The following BABAM2 variants were observed in gnomAD, a reference collection of about 807,000 sequenced individuals.
BABAM2 encodes BRISC and BRCA1 A complex member 2, also known as BRISC and BRCA1-A complex member 2.
BABAM2 carries 31 observed loss-of-function variants against 54.7 expected under a neutral mutation model. The ratio of observed to expected loss-of-function variants is 0.57; its 90% confidence interval spans 0.43 to 0.77. The LOEUF is 0.77. Among genes scored for constraint, BABAM2 ranks in the 30% least tolerant of loss-of-function variants. The pLI is 0.00. For synonymous variants in BABAM2, 167 were observed against 162.9 expected, an observed-to-expected ratio of 1.03 and a Z score of -0.19; for missense variants, 364 against 455.8, an observed-to-expected ratio of 0.80 and a Z score of 1.83.
chr2:28,226,797 C>T (rs1022986588), intron 7 of BABAM2, among the ~76,000 whole-genome samples: 3 of 151,756 alleles, frequency 2.0e-5, no homozygotes, highest in Admixed American at 1.3e-4. Flanking sequence ...CCAGCTTATC[C>T]AGGGAGGTTT....
chr2:28,292,135 C>T (rs953641542), intron 10 of BABAM2, among the ~76,000 whole-genome samples: 12 of 152,104 alleles, frequency 7.9e-5, no homozygotes, highest in African/African-American at 1.4e-4. Context: ...TCTTCCCTGC[C>T]GACCCAAGAT....
intron 7 of BABAM2, among the ~76,000 whole-genome samples, chr2:28,222,112 A>C (rs920360875): frequency 2.0e-5 from 3 of 152,252 alleles, no homozygotes; most frequent in Middle Eastern, 3.4e-3. Context: ...ACATATTCTC[A>C]TGCTCAGCAC....
At chr2:27,930,545 C>T (rs1474480561) in intron 3 of BABAM2, among the ~76,000 whole-genome samples, 1 of 152,162 alleles carries the variant, frequency 6.6e-6, no homozygotes, top group Non-Finnish European at 1.5e-5. Context: ...AGAAGGTGGA[C>T]GTCTGAAGTT....
intron 2 of BABAM2, among the ~76,000 whole-genome samples, chr2:27,912,764 T>C (rs1426407480): frequency 6.6e-6 from 1 of 152,140 alleles, no homozygotes; most frequent in Non-Finnish European, 1.5e-5. Context: ...AATATCTTCT[T>C]GCAAGGAATG....
chr2:28,193,360 G>T (rs1677145848), intron 7 of BABAM2, among the ~76,000 whole-genome samples: 1 of 152,150 alleles, frequency 6.6e-6, no homozygotes, highest in South Asian at 2.1e-4. Context: ...TGCTAAGTGG[G>T]CCCAACTCTG....
At chr2:28,024,454 TAA>T (rs1397822608) in intron 4 of BABAM2, among the ~76,000 whole-genome samples, 1 of 152,098 alleles carries the variant, frequency 6.6e-6, no homozygotes, top group African/African-American at 2.4e-5. Context: ...ATGAATTTTA[TAA>T]AGTCATAACC....
chr2:28,311,979 A>G (rs990819596), intron 11 of BABAM2, among the ~76,000 whole-genome samples: 4 of 152,256 alleles, frequency 2.6e-5, no homozygotes, highest in African/African-American at 9.6e-5. Flanking sequence ...ATACATTTTC[A>G]GATGTCAAGT....
chr2:28,198,856 G>A (rs1448742007), intron 7 of BABAM2, among the ~76,000 whole-genome samples: 1 of 152,118 alleles, frequency 6.6e-6, no homozygotes, highest in African/African-American at 2.4e-5. Context: ...ACTTTTTAAT[G>A]CCTTACCTGT....
chr2:28,328,363 CTG>C (rs1398167927), intron 11 of BABAM2, among the ~76,000 whole-genome samples: 2 of 152,110 alleles, frequency 1.3e-5, no homozygotes, highest in Non-Finnish European at 2.9e-5. Flanking sequence ...CAGAAGAAAA[CTG>C]GAAAAAGCAG....
At chr2:28,270,647 C>T (rs1234893586) in intron 10 of BABAM2, among the ~76,000 whole-genome samples, 2 of 152,212 alleles carry the variant, frequency 1.3e-5, no homozygotes, top group South Asian at 2.1e-4. Context: ...ACCCAGATGG[C>T]ATGACTATTC....
intron 2 of BABAM2, among the ~76,000 whole-genome samples, chr2:27,912,397 TTATC>T (rs1197342191): frequency 2.0e-5 from 3 of 152,220 alleles, no homozygotes; most frequent in African/African-American, 7.2e-5. Context: ...AGAATAGTAT[TTATC>T]ATGTTTTTGC....
At chr2:28,232,424 A>G (rs564211118) in intron 7 of BABAM2, among the ~76,000 whole-genome samples, 1 of 152,304 alleles carries the variant, frequency 6.6e-6, no homozygotes, top group South Asian at 2.1e-4. Context: ...GTTGCAGCCA[A>G]GTTAAGTCTT....
chr2:28,335,367 GC>G (rs900400507), intron 11 of BABAM2, among the ~76,000 whole-genome samples: 1 of 151,920 alleles, frequency 6.6e-6, no homozygotes, highest in African/African-American at 2.4e-5. Context: ...ACGGGGTTTC[GC>G]CATGTTGGCC....
At chr2:28,238,790 C>T (rs1032075393) in intron 8 of BABAM2, among the ~76,000 whole-genome samples, 1 of 152,084 alleles carries the variant, frequency 6.6e-6, no homozygotes, top group African/African-American at 2.4e-5. Context: ...AGAAGAAAAG[C>T]CTTTTTAAAG....
At chr2:28,253,461 G>A (rs752049981) in intron 10 of BABAM2, among the ~76,000 whole-genome samples, 10 of 151,352 alleles carry the variant, frequency 6.6e-5, no homozygotes, top group Non-Finnish European at 1.3e-4. Flanking sequence ...TCAGTACTTT[G>A]CATATGTTAT....
intron 7 of BABAM2, among the ~76,000 whole-genome samples, chr2:28,208,523 C>T (rs1679116150): frequency 6.6e-6 from 1 of 152,180 alleles, no homozygotes; most frequent in African/African-American, 2.4e-5. Context: ...GGCACTGCCT[C>T]TAGGCAAATT....
intron 10 of BABAM2, among the ~76,000 whole-genome samples, chr2:28,280,423 C>A (rs567564956): frequency 9.7e-4 from 147 of 152,248 alleles, no homozygotes; most frequent in African/African-American, 3.3e-3. Context: ...AAAAGTTGCT[C>A]TAACTCTCAG....
At chr2:28,052,964 G>A (rs149271622) in intron 6 of BABAM2, among the ~76,000 whole-genome samples, 3 of 152,078 alleles carry the variant, frequency 2.0e-5, no homozygotes, top group Non-Finnish European at 2.9e-5. Flanking sequence ...TTCTTGCATT[G>A]TCTTTTACTA....
chr2:27,990,245 G>A (rs1672684884), intron 4 of BABAM2, among the ~76,000 whole-genome samples: 1 of 152,186 alleles, frequency 6.6e-6, no homozygotes, highest in Admixed American at 6.5e-5. Context: ...AAATAGTTCT[G>A]AAGGTTGCTC....
Sources: allele counts gnomAD v4.1 joint callset (sites outside exome capture counted in the v4.1 genomes callset), GRCh38; gene constraint gnomAD v4.1.1; transcripts MANE v1.5; gene names NCBI Gene and HGNC (gene_info 2026-07-23, HGNC 2026-07-21).